The following ZBTB20 variants were observed in gnomAD, a reference collection of about 807,000 sequenced individuals.
ZBTB20 encodes zinc finger and BTB domain-containing protein 20.
A neutral mutation model predicts 56.9 loss-of-function variants in ZBTB20; 9 were observed. The observed-to-expected ratio is 0.16, with a 90% CI of 0.10 to 0.28. The LOEUF is 0.28. ZBTB20 is among the 10% of genes least tolerant of loss of function. ZBTB20 has a pLI of 1.00. For synonymous variants in ZBTB20, 417 were observed against 420.7 expected (o/e 0.99, Z 0.11); for missense variants, 655 against 1,003.0 (o/e 0.65, Z 4.69).
intron 10 of ZBTB20, among the ~76,000 whole-genome samples, chr3:114,358,552 G>T (rs764500174): frequency 8.5e-5 from 13 of 152,218 alleles, no homozygotes; most frequent in Non-Finnish European, 1.9e-4. Flanking sequence ...AGGTCTCACA[G>T]TCTCCCTTGG....
At chr3:114,404,529 C>T (rs1206120048) in intron 7 of ZBTB20, among the ~76,000 whole-genome samples, 1 of 152,078 alleles carries the variant, frequency 6.6e-6, no homozygotes, top group Non-Finnish European at 1.5e-5. Flanking sequence ...TTAGAAAAGA[C>T]TAAATAAAAG....
intron 5 of ZBTB20, among the ~76,000 whole-genome samples, chr3:114,799,927 A>G (rs2071595036): frequency 6.6e-6 from 1 of 151,988 alleles, no homozygotes; most frequent in Non-Finnish European, 1.5e-5. Context: ...GTCAACACAC[A>G]AGAACTACAG....
At chr3:114,840,712 T>C (rs2074346963) in intron 4 of ZBTB20, among the ~76,000 whole-genome samples, 1 of 152,168 alleles carries the variant, frequency 6.6e-6, no homozygotes, top group African/African-American at 2.4e-5. Context: ...CCACCATTGA[T>C]ACCTTCCTAT....
chr3:115,003,438 T>G (rs1331941610), intron 2 of ZBTB20, among the ~76,000 whole-genome samples: 1 of 151,668 alleles, frequency 6.6e-6, no homozygotes, highest in Non-Finnish European at 1.5e-5. Flanking sequence ...TTTTGTTTGT[T>G]TGTTTTTTGT....
chr3:115,109,373 C>T lies in ZBTB20; in HGVS notation c.-703+37846G>A, dbSNP rs114477890. ...GAGATCCTTACTGTTTGACCTGGTG[C>T]GGCTATACTCAAAAACTCAATAGTC... On this transcript the variant is annotated intron_variant, in intron 1 of 11. Transcript: ENST00000675478. Among the ~76,000 whole-genome samples, 416 of 152,160 alleles carry T rather than the reference C, an allele frequency of 2.7e-3. 1 individual carries two copies. The highest frequency in any genetic ancestry group is 9.7e-3 in the African/African-American group (403 of 41,518).
At position 114,321,284 on chromosome 3, in the gene ZBTB20, G is replaced by C. The variant is rs1270294383; in HGVS notation, c.*17721C>G. 1.3e-5 allele frequency: 2 copies of C among 152,230 alleles called. No individual in the cohort carries two copies. Among genetic ancestry groups the C allele is most frequent in the Non-Finnish European group, 2.9e-5 (2 of 68,060 alleles). The allele number at this position is 152,230 out of a possible 1,614,324, so 9.4% of individuals were successfully genotyped here. On this transcript the variant is annotated 3_prime_UTR_variant, in exon 12 of 12. Transcript: ENST00000675478. The stretch of plus-strand genomic sequence containing the variant: ...AAGAGAAGAGAAACAGGCAGACTTC[G>C]GGCACCATCTCCCTTTGTTTTCTAC...
chr3:114,658,420 GTAGATCACAA>G (rs1314632091), intron 6 of ZBTB20: 3 of 152,036 alleles, frequency 2.0e-5, no homozygotes, highest in African/African-American at 7.2e-5. Flanking sequence ...ACATTATTTT[GTAGATCACAA>G]AACTACAAAG....
rs781453845 is a variant in ZBTB20, at chr3:114,350,341, C to T, written c.1737G>A (p.Glu579=). The change falls in exon 11 of 12, where the codon GAG becomes GAA. Residue 579 remains glutamate, a synonymous_variant. Coordinates refer to ENST00000675478, the MANE Select transcript of ZBTB20 (RefSeq NM_001348800.3). ...ASGQGEKKPY[E]CTLCNKTFTA... ...TGAAAGTCTTGTTGCAGAGAGTGCA[C>T]TCATAAGGCTTTTTTTCGCCTTGCC... 1 of 1,614,182 alleles carries T rather than the reference C, an allele frequency of 6.2e-7. No homozygotes were observed. Among genetic ancestry groups the T allele is most frequent in the East Asian group, 2.2e-5 (1 of 44,878 alleles).
In ZBTB20 at chr3:114,331,105, A is replaced by ATGTGTGTGTGTGTGTGTGTG. The variant is rs58242110; in HGVS notation, c.*7880_*7899dup. ...AAGCTTTAGTTTGAGAATAAAATTT[A>ATGTGTGTGTGTGTGTGTGTG]TGTGTGTGTGTGTGTGTGTGTGTGT... On this transcript the variant is annotated 3_prime_UTR_variant, in exon 12 of 12. Coordinates refer to ENST00000675478, the MANE Select transcript of ZBTB20 (RefSeq NM_001348800.3). 6.7e-6 allele frequency: 1 copy of ATGTGTGTGTGTGTGTGTGTG among 148,628 alleles called. No individual in the cohort carries two copies. The highest frequency in any genetic ancestry group is 1.5e-5 in the Non-Finnish European group (1 of 67,010). The allele number at this position is 148,628 out of a possible 1,614,324, so 9.2% of individuals were successfully genotyped here. A position where few individuals can be genotyped will look rare whatever the true frequency, so the allele number is the denominator to read the frequency against.
intron 3 of ZBTB20, among the ~76,000 whole-genome samples, chr3:114,907,539 T>C (rs973502085): frequency 2.0e-5 from 3 of 151,868 alleles, no homozygotes; most frequent in Non-Finnish European, 2.9e-5. Context: ...CTGGTACCAA[T>C]AAGCTCATCA....
At chr3:114,986,726 G>A (rs1206780972) in intron 2 of ZBTB20, among the ~76,000 whole-genome samples, 2 of 151,930 alleles carry the variant, frequency 1.3e-5, no homozygotes, top group East Asian at 1.9e-4. Flanking sequence ...TATTTTAAAC[G>A]CATTATATGT....
At chr3:114,659,170 T>A (rs908900521) in intron 6 of ZBTB20, among the ~76,000 whole-genome samples, 1 of 152,214 alleles carries the variant, frequency 6.6e-6, no homozygotes, top group African/African-American at 2.4e-5. Flanking sequence ...CCTTTAACTC[T>A]AGAGGGTCAA....
At chr3:114,641,357 A>G (rs1413846360) in intron 6 of ZBTB20, among the ~76,000 whole-genome samples, 1 of 152,028 alleles carries the variant, frequency 6.6e-6, no homozygotes, top group Non-Finnish European at 1.5e-5. Context: ...TTGTACACCA[A>G]GGCCAAAGAC....
intron 2 of ZBTB20, among the ~76,000 whole-genome samples, chr3:115,023,809 A>G (rs1377004392): frequency 6.6e-6 from 1 of 151,066 alleles, no homozygotes; most frequent in African/African-American, 2.4e-5. Flanking sequence ...TAAAATAAAG[A>G]AAATGTTCTT....
chr3:114,759,664 A>G (rs989864514), intron 5 of ZBTB20, among the ~76,000 whole-genome samples: 2 of 152,098 alleles, frequency 1.3e-5, no homozygotes, highest in Non-Finnish European at 2.9e-5. Context: ...TTATCCTGCT[A>G]TGTGATACTG....
chr3:114,859,380 C>G lies in ZBTB20; in HGVS notation c.-417+40924G>C, dbSNP rs181683778. On this transcript the variant is annotated intron_variant, in intron 4 of 11. Transcript: ENST00000675478. ...CTCTCTTCTCCTTCCTTTCTTCCTT[C>G]CTTCCTTCCTTCTTCCTTTTCTTTT... Among the ~76,000 whole-genome samples the G allele has an allele frequency of 7.9e-5, 12 of 151,186 alleles. No individual in the cohort carries two copies. The East Asian group carries it at 2.3e-3, about 29-fold the overall frequency.
Position 114,571,267 on chromosome 3 carries a change from C to G in ZBTB20, c.-294-70876G>C, listed in dbSNP as rs565633689. On this transcript the variant is annotated intron_variant, in intron 6 of 11. Coordinates refer to ENST00000675478, the MANE Select transcript of ZBTB20 (RefSeq NM_001348800.3). ...TTTAACACTTTGCACTTCAATTGTG[C>G]TTATTCATCTAAGTTCTATAGATAG... is the stretch of plus-strand genomic sequence containing the variant. Among the ~76,000 whole-genome samples, 16 of 152,226 alleles carry G rather than the reference C, an allele frequency of 1.1e-4. No individual in the cohort carries two copies. In the South Asian group the frequency reaches 3.3e-3, roughly 32 times the overall value.
chr3:114,496,721 C>T (rs1317139314), intron 7 of ZBTB20, among the ~76,000 whole-genome samples: 1 of 152,082 alleles, frequency 6.6e-6, no homozygotes. Flanking sequence ...GTTTCAACAC[C>T]CGGCTGTGCA....
rs1257169798 is a variant in ZBTB20 at position 114,317,518 on chromosome 3, C to T, written c.*21487G>A. On this transcript the variant is annotated 3_prime_UTR_variant, in exon 12 of 12. Coordinates refer to ENST00000675478, the MANE Select transcript of ZBTB20 (RefSeq NM_001348800.3). ...GTTCAGGAAATGCTCTGAAATCAAA[C>T]GGATTTAGGCTGTCATGTACATGGT... The T allele has an allele frequency of 6.6e-6, 1 of 151,970 alleles. No individual in the cohort carries two copies. The highest frequency in any genetic ancestry group is 2.4e-5 in the African/African-American group (1 of 41,368). The allele number at this position is 151,970 out of a possible 1,614,324, so 9.4% of individuals were successfully genotyped here.
Sources: gnomAD v4.1 joint callset for allele counts (sites outside exome capture counted in the v4.1 genomes callset) on GRCh38, gnomAD v4.1.1 for gene constraint, MANE v1.5 for transcripts, NCBI Gene and HGNC (gene_info 2026-07-23, HGNC 2026-07-21) for gene names.